IMMP2L: variants seen among roughly 807,000 people sequenced by gnomAD.
The protein encoded by IMMP2L is mitochondrial inner membrane protease subunit 2.
IMMP2L carries 18 observed loss-of-function variants against 19.3 expected under a neutral mutation model. The ratio of observed to expected loss-of-function variants is 0.93; its 90% confidence interval spans 0.64 to 1.38. The LOEUF (loss-of-function observed/expected upper bound fraction) is 1.38. Ranked by LOEUF, IMMP2L falls within the 40% of genes most tolerant of loss-of-function variation. The probability of loss-of-function intolerance (pLI) is 0.00; values close to 1 mark genes in which losing one functional copy is unlikely to be tolerated. For synonymous variants in IMMP2L, 76 were observed against 73.0 expected (o/e 1.04, Z -0.21); for missense variants, 233 against 218.2 (o/e 1.07, Z -0.43).
chr7:111,207,075 G>A (rs1235416044), intron 3 of IMMP2L, among the ~76,000 whole-genome samples: 1 of 152,070 alleles, frequency 6.6e-6, no homozygotes, highest in Non-Finnish European at 1.5e-5. Flanking sequence ...TCTCCTTTTG[G>A]AATATATTGT....
In IMMP2L at chr7:111,472,986, AAATG is replaced by A. The variant is rs1290441466; in HGVS notation, c.239+14248_239+14251del. On this transcript the variant is annotated intron_variant, in intron 3 of 5. Transcript: ENST00000405709. The stretch of plus-strand genomic sequence containing the variant: ...AAAAAATGCAAAATAGTGCTGATAA[AAATG>A]AATGAAGATTATTTGATTAAGCAAC... 6.6e-5 allele frequency among the ~76,000 whole-genome samples: 10 copies of A among 152,280 alleles called. No individual in the cohort carries two copies. The South Asian group carries it at 1.9e-3, about 28-fold the overall frequency.
chr7:110,799,236 A>G (rs1298341121), intron 5 of IMMP2L, among the ~76,000 whole-genome samples: 1 of 151,996 alleles, frequency 6.6e-6, no homozygotes, highest in East Asian at 1.9e-4. Context: ...CATGCTTACC[A>G]TATGTATATC....
At chr7:110,898,291 C>T (rs1291600384) in intron 4 of IMMP2L, among the ~76,000 whole-genome samples, 2 of 150,700 alleles carry the variant, frequency 1.3e-5, no homozygotes, top group African/African-American at 2.5e-5. Flanking sequence ...GGCAATATGT[C>T]CAGGAATCCT....
At chr7:111,235,598 G>C (rs908934031) in intron 3 of IMMP2L, among the ~76,000 whole-genome samples, 1 of 151,902 alleles carries the variant, frequency 6.6e-6, no homozygotes, top group African/African-American at 2.4e-5. Context: ...CTCTGTACCT[G>C]ATACGTCTCT....
intron 3 of IMMP2L, among the ~76,000 whole-genome samples, chr7:111,429,222 T>C (rs562466006): frequency 7.9e-5 from 12 of 151,964 alleles, no homozygotes; most frequent in Non-Finnish European, 1.8e-4. Flanking sequence ...TGCATGTTGA[T>C]ATAGGTACAC....
intron 3 of IMMP2L, among the ~76,000 whole-genome samples, chr7:111,379,034 T>C (rs1034852840): frequency 6.6e-6 from 1 of 151,812 alleles, no homozygotes; most frequent in Non-Finnish European, 1.5e-5. Flanking sequence ...TTATAATATT[T>C]ATTAAAAGGC....
intron 5 of IMMP2L, among the ~76,000 whole-genome samples, chr7:110,700,776 C>T (rs1387435036): frequency 1.3e-5 from 2 of 152,148 alleles, no homozygotes; most frequent in African/African-American, 4.8e-5. Flanking sequence ...AACAGAACTC[C>T]ACTCATTAAT....
At chr7:111,283,743 G>A (rs1003172293) in intron 3 of IMMP2L, among the ~76,000 whole-genome samples, 1 of 151,686 alleles carries the variant, frequency 6.6e-6, no homozygotes. Flanking sequence ...AGGCCGAGGC[G>A]GGCGGATCAC....
At chr7:110,745,538 C>T (rs1284669922) in intron 5 of IMMP2L, among the ~76,000 whole-genome samples, 1 of 152,208 alleles carries the variant, frequency 6.6e-6, no homozygotes, top group East Asian at 1.9e-4. Flanking sequence ...GCCCATCAGA[C>T]TAACAGTGGA....
At chr7:111,000,964 C>G (rs1022312159) in intron 3 of IMMP2L, among the ~76,000 whole-genome samples, 5 of 152,030 alleles carry the variant, frequency 3.3e-5, no homozygotes, top group Non-Finnish European at 7.4e-5. Flanking sequence ...AATAAAAGAG[C>G]TAGAAAAGCC....
Position 111,311,205 on chromosome 7 carries a change from C to A in IMMP2L, c.239+176033G>T, listed in dbSNP as rs545497042. Reference sequence around the variant, plus strand: ...TCAAGGTAAGCATTGAAGAACTGGACAATGATCACAAGGTAGATAAACAAA... The same window carrying A: ...TCAAGGTAAGCATTGAAGAACTGGAAAATGATCACAAGGTAGATAAACAAA... On this transcript the variant is annotated intron_variant, in intron 3 of 5. Coordinates refer to ENST00000405709, the MANE Select transcript of IMMP2L (RefSeq NM_032549.4). Among the ~76,000 whole-genome samples the A allele has an allele frequency of 3.3e-5, 5 of 151,330 alleles. No homozygotes were observed. The South Asian group carries it at 8.4e-4, about 25-fold the overall frequency.
intron 3 of IMMP2L, among the ~76,000 whole-genome samples, chr7:111,250,724 C>G (rs939864891): frequency 1.3e-5 from 2 of 152,028 alleles, no homozygotes; most frequent in Non-Finnish European, 2.9e-5. Flanking sequence ...AAACTGGACC[C>G]CTTCCTTATA....
At chr7:111,411,462 A>G (rs907377683) in intron 3 of IMMP2L, 5 of 500,890 alleles carry the variant, frequency 1.0e-5, no homozygotes, top group Non-Finnish European at 2.0e-5. Flanking sequence ...GTGTACCTGA[A>G]CGAAGTCACG....
intron 5 of IMMP2L, among the ~76,000 whole-genome samples, chr7:110,806,561 T>C (rs193094926): frequency 1.3e-5 from 2 of 152,108 alleles, no homozygotes; most frequent in East Asian, 3.9e-4. Flanking sequence ...ATGAAAATTC[T>C]TAACAATCTT....
intron 3 of IMMP2L, among the ~76,000 whole-genome samples, chr7:111,228,966 C>CGTGTGTGT (rs10530563): frequency 4.9e-5 from 7 of 143,950 alleles, no homozygotes; most frequent in East Asian, 4.2e-4. Flanking sequence ...ACTAGCAATG[C>CGTGTGTGT]GTGTGTGTGT....
At chr7:111,338,512 T>C (rs1265821775) in intron 3 of IMMP2L, among the ~76,000 whole-genome samples, 2 of 152,084 alleles carry the variant, frequency 1.3e-5, no homozygotes, top group Non-Finnish European at 2.9e-5. Flanking sequence ...CAAACAATCA[T>C]ATATAATAAG....
intron 3 of IMMP2L, among the ~76,000 whole-genome samples, chr7:111,054,600 A>T (rs1793322796): frequency 6.6e-6 from 1 of 152,342 alleles, no homozygotes; most frequent in Non-Finnish European, 1.5e-5. Flanking sequence ...CATGTTAATT[A>T]CCACAGAAGA....
intron 3 of IMMP2L, among the ~76,000 whole-genome samples, chr7:111,267,560 G>T (rs912636140): frequency 6.6e-6 from 1 of 152,026 alleles, no homozygotes; most frequent in Non-Finnish European, 1.5e-5. Context: ...GCCCTAAGAG[G>T]CCAGAAGCTC....
In IMMP2L at chr7:111,417,780, G is replaced by A. The variant is rs370779545; in HGVS notation, c.239+69458C>T. On this transcript the variant is annotated intron_variant, in intron 3 of 5. Transcript: ENST00000405709. Reference sequence around the variant, plus strand: ...GTCAAGTTTTCTCTTATTAGGAATAGAGTTGATAGTGCATATACAATTATA... The same window carrying A: ...GTCAAGTTTTCTCTTATTAGGAATAAAGTTGATAGTGCATATACAATTATA... 5.9e-4 allele frequency among the ~76,000 whole-genome samples: 89 copies of A among 152,030 alleles called. 2 individuals are homozygous for A. The highest frequency in any genetic ancestry group is 3.4e-3 in the Middle Eastern group (1 of 294).
Sources: allele counts gnomAD v4.1 joint callset (sites outside exome capture counted in the v4.1 genomes callset), GRCh38; gene constraint gnomAD v4.1.1; transcripts MANE v1.5; gene names NCBI Gene and HGNC (gene_info 2026-07-23, HGNC 2026-07-21).